Variants in ENAH observed in about 807,000 individuals in gnomAD.
ENAH encodes protein enabled homolog.
A neutral mutation model predicts 78.7 loss-of-function variants in ENAH; 23 were observed. The observed-to-expected ratio is 0.29, with a 90% CI of 0.21 to 0.41. The LOEUF (loss-of-function observed/expected upper bound fraction) is 0.41. ENAH is among the 10% of genes least tolerant of loss of function. The pLI is 1.00. For synonymous variants in ENAH, 226 were observed against 241.0 expected (o/e 0.94, Z 0.58); for missense variants, 544 against 691.0 (o/e 0.79, Z 2.39).
chr1:225,541,576 G>A (rs1364406426), intron 3 of ENAH, among the ~76,000 whole-genome samples: 3 of 152,146 alleles, frequency 2.0e-5, no homozygotes, highest in Admixed American at 6.5e-5. Flanking sequence ...AAGCTGTTAC[G>A]GAAAATAACA....
chr1:225,604,477 C>T (rs983431083), intron 1 of ENAH, among the ~76,000 whole-genome samples: 4 of 151,928 alleles, frequency 2.6e-5, no homozygotes, highest in African/African-American at 9.7e-5. Context: ...TAGAAAAAAA[C>T]AATATTTTAA....
At chr1:225,626,059 A>C (rs1165344121) in intron 1 of ENAH, among the ~76,000 whole-genome samples, 1 of 152,190 alleles carries the variant, frequency 6.6e-6, no homozygotes, top group Non-Finnish European at 1.5e-5. Flanking sequence ...TTGACTCTCC[A>C]TTTATGAAAG....
intron 1 of ENAH, among the ~76,000 whole-genome samples, chr1:225,606,746 G>A (rs2096957479): frequency 1.4e-5 from 2 of 146,564 alleles, no homozygotes; most frequent in African/African-American, 5.1e-5. Context: ...GAGAGGCTGA[G>A]GTAGGAGAAT....
chr1:225,578,375 TG>T (rs573895689), intron 1 of ENAH, among the ~76,000 whole-genome samples: 109 of 152,294 alleles, frequency 7.2e-4, no homozygotes, highest in African/African-American at 2.5e-3. Context: ...CTTGGGAGGC[TG>T]AGGTAGAAGG....
At chr1:225,617,466 A>T (rs552463579) in intron 1 of ENAH, among the ~76,000 whole-genome samples, 2 of 152,322 alleles carry the variant, frequency 1.3e-5, no homozygotes, top group East Asian at 3.9e-4. Context: ...TCTGATACAT[A>T]AAGGTCAGCA....
chr1:225,600,260 G>A (rs976892443), intron 1 of ENAH, among the ~76,000 whole-genome samples: 2 of 151,952 alleles, frequency 1.3e-5, no homozygotes, highest in Non-Finnish European at 2.9e-5. Flanking sequence ...ACCGCTATTC[G>A]GGAGACGGAG....
At chr1:225,554,729 A>C (rs1168590131) in intron 3 of ENAH, among the ~76,000 whole-genome samples, 177 bp downstream of exon 3, 1 of 152,252 alleles carries the variant, frequency 6.6e-6, no homozygotes, top group Non-Finnish European at 1.5e-5. Context: ...AAAAGTTCAC[A>C]TTTCTATAGA....
chr1:225,535,762 C>T (rs969815544), intron 3 of ENAH, among the ~76,000 whole-genome samples: 1 of 152,078 alleles, frequency 6.6e-6, no homozygotes, highest in Non-Finnish European at 1.5e-5. Context: ...TTTATGCAAT[C>T]GTTTTTTGGT....
In ENAH at chr1:225,652,830, G is replaced by A; in HGVS notation, c.-140C>T. ...CCGGCTCCTCCTTCGGCGGCCAGGG[G>A]GCTACACCATCTCCTCGCACAAAGC... is the stretch of plus-strand genomic sequence containing the variant. On this transcript the variant is annotated 5_prime_UTR_variant, in exon 1 of 14. Coordinates refer to ENST00000366843, the MANE Select transcript of ENAH (RefSeq NM_018212.6). The A allele has an allele frequency of 1.7e-6, 1 of 591,538 alleles. No homozygotes were observed. 36.6% of individuals were successfully genotyped at this position (591,538 alleles called of 1,614,324 possible). A position where few individuals can be genotyped will look rare whatever the true frequency, so the allele number is the denominator to read the frequency against.
At chr1:225,606,454 C>G (rs2096955995) in intron 1 of ENAH, among the ~76,000 whole-genome samples, 1 of 147,916 alleles carries the variant, frequency 6.8e-6, no homozygotes. Flanking sequence ...GAGCAAGACT[C>G]CATCTCAAAA....
In ENAH at chr1:225,593,753, C is replaced by T. The variant is rs111612711; in HGVS notation, c.6-26339G>A. Among the ~76,000 whole-genome samples, 214 of 152,266 alleles carry T rather than the reference C, an allele frequency of 1.4e-3. 1 individual carries two copies. Among genetic ancestry groups the T allele is most frequent in the African/African-American group, 5.0e-3 (206 of 41,548 alleles). On this transcript the variant is annotated intron_variant, in intron 1 of 13. Coordinates refer to ENST00000366843, the MANE Select transcript of ENAH (RefSeq NM_018212.6). ...CATTCGTCTTCAGCTAATTACGAAC[C>T]GCATGACATTCAAAAGATTCTGGAA... is the stretch of plus-strand genomic sequence containing the variant.
intron 3 of ENAH, among the ~76,000 whole-genome samples, chr1:225,534,451 G>A (rs947099684): frequency 3.3e-5 from 5 of 150,624 alleles, no homozygotes; most frequent in African/African-American, 4.9e-5. Flanking sequence ...TTTGCAACAC[G>A]TACTTCTTTG....
chr1:225,634,294 T>C (rs1231345894), intron 1 of ENAH, among the ~76,000 whole-genome samples: 2 of 152,244 alleles, frequency 1.3e-5, no homozygotes, highest in African/African-American at 2.4e-5. Context: ...GTTTAAAATA[T>C]GTTGAACATA....
rs1020398217 is a variant in ENAH, at chr1:225,507,978, T to C, written c.1511A>G (p.Asn504Ser). The change falls in exon 11 of 14, where the codon AAT becomes AGT. Residue 504 changes from asparagine (N) to serine (S), a missense_variant. Physicochemically the swap from Asn to Ser is conservative, Grantham distance 46 (BLOSUM62 1). Around this residue, in one of 4 missense-constraint regions of ENAH, gnomAD observed 97 missense variants for 124.4 expected, o/e 0.78. Transcript: ENST00000366843. The part of the protein sequence containing the change: ...RKPWERTNTM[N>S]GSKSPVISRP... ...GGAGATAACAGGTGACTTGCTGCCA[T>C]TCATTGTATTTGTTCTTTCCCAAGG... 2 of 1,565,738 alleles carry C rather than the reference T, an allele frequency of 1.3e-6. No homozygotes were observed. The highest frequency in any genetic ancestry group is 1.7e-6 in the Non-Finnish European group (2 of 1,164,838).
intron 11 of ENAH, among the ~76,000 whole-genome samples, 161 bp downstream of exon 11, chr1:225,507,790 T>C (rs987592575): frequency 6.6e-6 from 1 of 152,136 alleles, no homozygotes; most frequent in African/African-American, 2.4e-5. Flanking sequence ...AGATGAGTAA[T>C]ATATAATGAG....
At chr1:225,560,490 A>C (rs899011541) in intron 2 of ENAH, among the ~76,000 whole-genome samples, 42 of 152,226 alleles carry the variant, frequency 2.8e-4, no homozygotes, top group African/African-American at 9.9e-4. Flanking sequence ...GACAAAAAAA[A>C]AAAAAGATTA....
At chr1:225,505,013 T>C (rs765567583) in intron 11 of ENAH, 2 of 1,612,726 alleles carry the variant, frequency 1.2e-6, no homozygotes, top group Non-Finnish European at 1.7e-6. Flanking sequence ...TCATAGGACC[T>C]GTTGTCAAAA....
chr1:225,575,702 C>T (rs1230802087), intron 1 of ENAH, among the ~76,000 whole-genome samples: 4 of 152,138 alleles, frequency 2.6e-5, no homozygotes, highest in Admixed American at 6.5e-5. Context: ...AAGCTTTACA[C>T]TCCCCCAAAA....
intron 4 of ENAH, among the ~76,000 whole-genome samples, chr1:225,522,494 G>A (rs1043929274): frequency 2.0e-5 from 3 of 152,112 alleles, no homozygotes; most frequent in African/African-American, 7.2e-5. Flanking sequence ...GATCTAGTAC[G>A]GACTTCATTA....
Sources: allele counts gnomAD v4.1 joint callset (sites outside exome capture counted in the v4.1 genomes callset), GRCh38; gene constraint gnomAD v4.1.1; regional missense constraint gnomAD v4.1.1; transcripts MANE v1.5; gene names NCBI Gene and HGNC (gene_info 2026-07-23, HGNC 2026-07-21).